The following KCNQ1 variants were observed in gnomAD, a reference collection of about 807,000 sequenced individuals.
KCNQ1 encodes the protein potassium voltage-gated channel subfamily Q member 1.
A neutral mutation model predicts 72.4 loss-of-function variants in KCNQ1; 49 were observed. The observed-to-expected ratio is 0.68, with a 90% CI of 0.54 to 0.86. KCNQ1 has a LOEUF of 0.86. Ranked by LOEUF, KCNQ1 falls within the 40% of genes least tolerant of loss-of-function variation. The probability of loss-of-function intolerance (pLI) is 0.00; values close to 1 mark genes in which losing one functional copy is unlikely to be tolerated. For synonymous variants in KCNQ1, 450 were observed against 412.6 expected, an observed-to-expected ratio of 1.09 and a Z score of -1.10; for missense variants, 790 against 945.1, an observed-to-expected ratio of 0.84 and a Z score of 2.15.
rs1848817953 is a variant in KCNQ1, at chr11:2,602,212, C to T, written c.1393+13358C>T. Among the ~76,000 whole-genome samples, 1 of 151,916 alleles carries T rather than the reference C, an allele frequency of 6.6e-6. No individual in the cohort carries two copies. Among genetic ancestry groups the T allele is most frequent in the African/African-American group, 2.4e-5 (1 of 41,344 alleles). ...CCTGAAGCCTCCAGAAGGAACCAGC[C>T]CTGCTGACACCTTGATTTTTCGTCC... On this transcript the variant is annotated intron_variant, in intron 10 of 15. Transcript: ENST00000155840. This position sits in a 1 kb window ranked among gnomAD's most constrained non-coding sequence, Gnocchi z 4.8.
chr11:2,812,417 T>C (rs923162442), intron 15 of KCNQ1, among the ~76,000 whole-genome samples: 1 of 152,154 alleles, frequency 6.6e-6, no homozygotes, highest in African/African-American at 2.4e-5. Context: ...GGGGCTCCAG[T>C]TGAAAATGAT....
At chr11:2,686,121 C>A in intron 11 of KCNQ1, 3 of 398,758 alleles carry the variant, frequency 7.5e-6, no homozygotes, top group Non-Finnish European at 4.4e-6. Context: ...TAGGCCTTTG[C>A]CCTGTCTCGC....
chr11:2,745,282 G>C lies in KCNQ1; in HGVS notation c.1515-23562G>C, dbSNP rs1442836594. ...TTGCGTTTTCTCCTCCAAGAACAAGGAGTCTCTCTGCATTGAGTCAGGCCC... is the reference window on the plus strand; with the variant it reads ...TTGCGTTTTCTCCTCCAAGAACAAGCAGTCTCTCTGCATTGAGTCAGGCCC... On this transcript the variant is annotated intron_variant, in intron 11 of 15. Coordinates refer to ENST00000155840, the MANE Select transcript of KCNQ1 (RefSeq NM_000218.3). This position sits in a 1 kb window ranked among gnomAD's most constrained non-coding sequence, Gnocchi z 6.2. Among the ~76,000 whole-genome samples the C allele has an allele frequency of 6.6e-6, 1 of 152,154 alleles. No homozygotes were observed. Among genetic ancestry groups the C allele is most frequent in the Non-Finnish European group, 1.5e-5 (1 of 68,036 alleles).
At chr11:2,705,949 CAG>C (rs1850904586) in intron 11 of KCNQ1, among the ~76,000 whole-genome samples, 1 of 152,154 alleles carries the variant, frequency 6.6e-6, no homozygotes, top group Admixed American at 6.5e-5. Flanking sequence ...GCAGTGGGTG[CAG>C]AGTCATTGGC....
chr11:2,643,472 C>T, intron 10 of KCNQ1: 1 of 398,422 alleles, frequency 2.5e-6, no homozygotes. Context: ...AGTATAGCTA[C>T]TCCTGTTTGG....
chr11:2,640,515 G>A (rs1849556408), intron 10 of KCNQ1: 1 of 397,670 alleles, frequency 2.5e-6, no homozygotes, highest in Non-Finnish European at 4.4e-6. Flanking sequence ...TGAATTCCTG[G>A]GCTCAAGCGA....
chr11:2,634,172 C>T (rs1002851167), intron 10 of KCNQ1: 1 of 393,928 alleles, frequency 2.5e-6, no homozygotes. Flanking sequence ...CTCTCTCTCT[C>T]CCTTTTTTTT....
rs1283214697 is a variant in KCNQ1 at position 2,669,252 on chromosome 11, C to T, written c.1514+7171C>T. 2.3e-5 allele frequency: 9 copies of T among 398,598 alleles called. No individual in the cohort carries two copies. The highest frequency in any genetic ancestry group is 4.0e-5 in the Non-Finnish European group (9 of 226,142). 24.7% of individuals were successfully genotyped at this position (398,598 alleles called of 1,614,324 possible). On this transcript the variant is annotated intron_variant, in intron 11 of 15. Coordinates refer to ENST00000155840, the MANE Select transcript of KCNQ1 (RefSeq NM_000218.3). This position sits in a 1 kb window ranked among gnomAD's most constrained non-coding sequence, Gnocchi z 5.6. The stretch of plus-strand genomic sequence containing the variant: ...TGCTGGCTCTGGCTGCTTCTCCTTC[C>T]CCATCACTGGCTTTGCTGTCTTTGC...
intron 11 of KCNQ1, among the ~76,000 whole-genome samples, chr11:2,706,145 A>T (rs1850908273): frequency 6.6e-6 from 1 of 152,248 alleles, no homozygotes; most frequent in African/African-American, 2.4e-5. Context: ...TTCTTCCGGA[A>T]GTGGCACTTA....
At chr11:2,666,776 C>T (rs183349367) in intron 11 of KCNQ1, 35 of 398,754 alleles carry the variant, frequency 8.8e-5, no homozygotes, top group Non-Finnish European at 1.2e-4. Flanking sequence ...CTAAGCTCCT[C>T]ACCATATTTC....
intron 10 of KCNQ1, chr11:2,660,349 T>A (rs568921659): frequency 2.5e-6 from 1 of 398,538 alleles, no homozygotes; most frequent in East Asian, 3.6e-5. Flanking sequence ...GGAATAAATT[T>A]AAGAGAGAAT....
At chr11:2,744,679 A>G (rs1373123916) in intron 11 of KCNQ1, among the ~76,000 whole-genome samples, 1 of 152,128 alleles carries the variant, frequency 6.6e-6, no homozygotes, top group Non-Finnish European at 1.5e-5. Context: ...TTAAATGGAA[A>G]TTTCTAAATT....
intron 2 of KCNQ1, among the ~76,000 whole-genome samples, chr11:2,534,109 C>A (rs966799292): frequency 6.6e-6 from 1 of 152,122 alleles, no homozygotes; most frequent in African/African-American, 2.4e-5. Context: ...TCCCTCCCAG[C>A]TCAGAGCAAG....
chr11:2,699,453 G>C, intron 11 of KCNQ1: 1 of 402,454 alleles, frequency 2.5e-6, no homozygotes. Context: ...GCACTGAGGA[G>C]CCGCCGGGAG....
rs188083723 is a variant in KCNQ1, at chr11:2,667,055, G to A, written c.1514+4974G>A. 2,351 of 398,634 alleles carry A rather than the reference G, an allele frequency of 5.9e-3. 15 individuals are homozygous for A. Among genetic ancestry groups the A allele is most frequent in the Non-Finnish European group, 7.7e-3 (1,737 of 226,090 alleles). 24.7% of individuals were successfully genotyped at this position (398,634 alleles called of 1,614,324 possible). ...CATAGCCCCAGCCAGGCTCAAACCCGTCTCTGAAATGCACGGGGGGATTAA... is the reference window on the plus strand; with the variant it reads ...CATAGCCCCAGCCAGGCTCAAACCCATCTCTGAAATGCACGGGGGGATTAA... On this transcript the variant is annotated intron_variant, in intron 11 of 15. Coordinates refer to ENST00000155840, the MANE Select transcript of KCNQ1 (RefSeq NM_000218.3).
intron 12 of KCNQ1, among the ~76,000 whole-genome samples, chr11:2,774,482 G>A (rs148157391): frequency 6.6e-6 from 1 of 152,356 alleles, no homozygotes; most frequent in Non-Finnish European, 1.5e-5. Context: ...AGTGTTGCCA[G>A]TGAGGGCCCT....
At chr11:2,693,621 CCCA>C in intron 11 of KCNQ1, 2 of 398,666 alleles carry the variant, frequency 5.0e-6, no homozygotes, top group Non-Finnish European at 4.4e-6. Context: ...AAGAGCTTCG[CCCA>C]GCCGTAGGAA....
intron 4 of KCNQ1, 49 bp from the exon 5 acceptor site, chr11:2,571,964 C>T (rs1007345590): frequency 6.5e-7 from 1 of 1,526,788 alleles, no homozygotes. Context: ...CCGGCGTGAA[C>T]AGCTGAGCCC....
At chr11:2,641,928 A>G (rs1849586004) in intron 10 of KCNQ1, 1 of 398,342 alleles carries the variant, frequency 2.5e-6, no homozygotes, top group Admixed American at 4.4e-5. Context: ...CTTTGTCAAA[A>G]ATCAGTTGGC....
Sources: allele counts gnomAD v4.1 joint callset (sites outside exome capture counted in the v4.1 genomes callset), GRCh38; gene constraint gnomAD v4.1.1; non-coding constraint Gnocchi (gnomAD v3.1); transcripts MANE v1.5; gene names NCBI Gene and HGNC (gene_info 2026-07-23, HGNC 2026-07-21).